The following SGCZ variants were observed in gnomAD, a reference collection of about 807,000 sequenced individuals.
The protein encoded by SGCZ is sarcoglycan zeta, also known as zeta-sarcoglycan.
Under a neutral mutation model 41.3 loss-of-function variants are expected in SGCZ, and 40 were observed. The observed-to-expected ratio is 0.97, with a 90% CI of 0.75 to 1.26. The LOEUF (loss-of-function observed/expected upper bound fraction) is 1.26, where lower values mean the gene tolerates loss of function less well. SGCZ is among the 50% of genes most tolerant of loss of function. The pLI, the probability that SGCZ is intolerant of heterozygous loss-of-function variation, is 0.00. For missense variants in SGCZ, 552 were observed against 369.8 expected (o/e 1.49, Z -4.04); for synonymous variants, 206 against 137.5 (o/e 1.50, Z -3.49).
At chr8:14,209,988 T>G (rs2117092457) in intron 4 of SGCZ, among the ~76,000 whole-genome samples, 1 of 109,792 alleles carries the variant, frequency 9.1e-6, no homozygotes, top group East Asian at 2.8e-4. Context: ...GTCTTCAAAC[T>G]AACTGTAAAG....
At chr8:15,122,288 A>G (rs1807511381) in intron 1 of SGCZ, among the ~76,000 whole-genome samples, 1 of 152,136 alleles carries the variant, frequency 6.6e-6, no homozygotes. Context: ...AGGATCATAA[A>G]GCATGACAGG....
chr8:15,012,670 AT>A (rs1292693634), intron 1 of SGCZ, among the ~76,000 whole-genome samples: 3 of 93,582 alleles, frequency 3.2e-5, no homozygotes, highest in African/African-American at 4.4e-5. Flanking sequence ...ATATATATTT[AT>A]TATATATTTA....
intron 1 of SGCZ, among the ~76,000 whole-genome samples, chr8:14,828,884 T>C (rs899368913): frequency 6.6e-6 from 1 of 152,174 alleles, no homozygotes; most frequent in African/African-American, 2.4e-5. Flanking sequence ...CAAGGACAAT[T>C]TTGCAAGAGT....
At chr8:14,098,512 A>G (rs1022074921) in intron 7 of SGCZ, among the ~76,000 whole-genome samples, 4 of 152,134 alleles carry the variant, frequency 2.6e-5, no homozygotes, top group African/African-American at 9.7e-5. Context: ...TGTGTAGTTC[A>G]GTCCCTTTTC....
chr8:14,308,624 T>G (rs1286637082), intron 3 of SGCZ, among the ~76,000 whole-genome samples: 3 of 151,998 alleles, frequency 2.0e-5, no homozygotes, highest in Admixed American at 6.6e-5. Flanking sequence ...TAAAAAAAAT[T>G]TATAAAACAT....
rs111772610 is a variant in SGCZ, at chr8:14,583,726, T to C, written c.40-28800A>G. Among the ~76,000 whole-genome samples the C allele has an allele frequency of 3.4e-3, 515 of 152,274 alleles. 2 individuals carry two copies. The highest frequency in any genetic ancestry group is 0.012 in the African/African-American group (489 of 41,574). ...AAATCTTCTGTGAATAATTTGTCTT[T>C]AATACTTTTCAGAGAGTAAAAATGT... On this transcript the variant is annotated intron_variant, in intron 1 of 7. Transcript: ENST00000382080.
intron 4 of SGCZ, among the ~76,000 whole-genome samples, chr8:14,202,626 T>C (rs1296609225): frequency 6.6e-6 from 1 of 152,178 alleles, no homozygotes; most frequent in Non-Finnish European, 1.5e-5. Context: ...AAATATTTGA[T>C]TAAGATGTTT....
chr8:14,437,590 A>G (rs1363614904), intron 2 of SGCZ, among the ~76,000 whole-genome samples: 1 of 151,966 alleles, frequency 6.6e-6, no homozygotes, highest in Non-Finnish European at 1.5e-5. Context: ...ACAAAGAAAA[A>G]TTTTCTGTTT....
At chr8:15,159,594 T>C (rs757796023) in intron 1 of SGCZ, among the ~76,000 whole-genome samples, 19 of 152,182 alleles carry the variant, frequency 1.2e-4, no homozygotes, top group Non-Finnish European at 2.6e-4. Context: ...ATTGCTTGCC[T>C]GGTGTGTGGG....
chr8:14,688,072 C>T lies in SGCZ; in HGVS notation c.40-133146G>A, dbSNP rs1016757422. ...TTTTTTCTTGTAAATTTGTTTGAGT[C>T]CATTGTAGATTTTGGATATTAGCCC... On this transcript the variant is annotated intron_variant, in intron 1 of 7. Coordinates refer to ENST00000382080, the MANE Select transcript of SGCZ (RefSeq NM_139167.4). Among the ~76,000 whole-genome samples the T allele has an allele frequency of 4.0e-5, 6 of 151,864 alleles. 1 individual carries two copies. The highest frequency in any genetic ancestry group is 2.4e-5 in the African/African-American group (1 of 41,374).
rs112390985 is a variant in SGCZ, at chr8:14,689,787, C to T, written c.40-134861G>A. ...AGTGGATATCTATTAATACAACAGA[C>T]GCATAATTAAAGAGAATCCCCATCA... is the stretch of plus-strand genomic sequence containing the variant. On this transcript the variant is annotated intron_variant, in intron 1 of 7. Transcript: ENST00000382080. 7.9e-3 allele frequency among the ~76,000 whole-genome samples: 1,197 copies of T among 152,180 alleles called. 13 individuals are homozygous for T. The highest frequency in any genetic ancestry group is 0.031 in the Middle Eastern group (9 of 294).
In SGCZ at chr8:15,190,979, T is replaced by C. The variant is rs143254818; in HGVS notation, c.39+46606A>G. On this transcript the variant is annotated intron_variant, in intron 1 of 7. Coordinates refer to ENST00000382080, the MANE Select transcript of SGCZ (RefSeq NM_139167.4). ...ACTATCTATGGATTCAGGTGTCCAATGACCTAATGTGATTCCAATCATTTT... is the reference window on the plus strand; with the variant it reads ...ACTATCTATGGATTCAGGTGTCCAACGACCTAATGTGATTCCAATCATTTT... Among the ~76,000 whole-genome samples, 44 of 152,212 alleles carry C rather than the reference T, an allele frequency of 2.9e-4. No homozygotes were observed. In the East Asian group the frequency reaches 8.3e-3, roughly 29 times the overall value.
At chr8:14,657,460 C>T (rs1434680635) in intron 1 of SGCZ, among the ~76,000 whole-genome samples, 3 of 152,022 alleles carry the variant, frequency 2.0e-5, no homozygotes, top group South Asian at 2.1e-4. Context: ...ATAAAGTTGA[C>T]ATTATAATGA....
Position 14,729,993 on chromosome 8 carries a change from G to A in SGCZ, c.40-175067C>T, listed in dbSNP as rs376347363. ...CCACCTACTGGGTAGGCTACGGCAG[G>A]AGAATTGCTTGAACCCAGTGGGGCG... On this transcript the variant is annotated intron_variant, in intron 1 of 7. Transcript: ENST00000382080. Among the ~76,000 whole-genome samples the A allele has an allele frequency of 2.0e-5, 3 of 152,154 alleles. No individual in the cohort carries two copies. In the South Asian group the frequency reaches 6.2e-4, roughly 32 times the overall value.
chr8:15,139,033 T>C (rs1808220526), intron 1 of SGCZ, among the ~76,000 whole-genome samples: 3 of 152,222 alleles, frequency 2.0e-5, no homozygotes, highest in Admixed American at 2.0e-4. Context: ...CTAAGTTAAG[T>C]ACTTTGGTCT....
At chr8:14,189,778 C>T (rs937786012) in intron 4 of SGCZ, among the ~76,000 whole-genome samples, 7 of 152,078 alleles carry the variant, frequency 4.6e-5, no homozygotes, top group East Asian at 1.9e-4. Flanking sequence ...CTTTTGTTTG[C>T]TTGGCTATTT....
chr8:14,327,842 G>A (rs567904506), intron 2 of SGCZ, among the ~76,000 whole-genome samples: 3 of 152,204 alleles, frequency 2.0e-5, no homozygotes, highest in Non-Finnish European at 4.4e-5. Context: ...GTGCAGCGGC[G>A]CAATCTTGGC....
intron 1 of SGCZ, among the ~76,000 whole-genome samples, chr8:14,676,872 A>G (rs1482698764): frequency 3.3e-5 from 5 of 152,212 alleles, no homozygotes; most frequent in Non-Finnish European, 7.3e-5. Flanking sequence ...TAACGGCTAG[A>G]AACTACCAGA....
intron 1 of SGCZ, among the ~76,000 whole-genome samples, chr8:15,187,383 G>A (rs933743895): frequency 6.6e-6 from 1 of 152,052 alleles, no homozygotes; most frequent in African/African-American, 2.4e-5. Flanking sequence ...CATGTAATGT[G>A]CATTTTACAA....
Sources: gnomAD v4.1 joint callset for allele counts (sites outside exome capture counted in the v4.1 genomes callset) on GRCh38, gnomAD v4.1.1 for gene constraint, MANE v1.5 for transcripts, NCBI Gene and HGNC (gene_info 2026-07-23, HGNC 2026-07-21) for gene names.